Variants in RHOH observed in about 807,000 individuals in gnomAD.
RHOH encodes the protein ras homolog family member H, also known as rho-related GTP-binding protein RhoH.
RHOH carries 6 observed loss-of-function variants against 13.8 expected under a neutral mutation model. That is an observed-to-expected ratio of 0.44 (90% CI 0.24 to 0.86). The LOEUF (loss-of-function observed/expected upper bound fraction) is 0.86. Ranked by LOEUF, RHOH falls within the 40% of genes least tolerant of loss-of-function variation. RHOH has a pLI of 0.24. For synonymous variants in RHOH, 117 were observed against 103.0 expected (o/e 1.14, Z -0.82); for missense variants, 147 against 244.5 (o/e 0.60, Z 2.66).
In RHOH at chr4:40,202,229, G is replaced by A. The variant is rs114486965; in HGVS notation, c.-331+4929G>A. Among the ~76,000 whole-genome samples, 318 of 152,160 alleles carry A rather than the reference G, an allele frequency of 2.1e-3. 3 individuals carry two copies. Among genetic ancestry groups the A allele is most frequent in the African/African-American group, 7.1e-3 (293 of 41,520 alleles). ...CCCAAAGTGCTAGGATTACAGGCACGTCACTGCGCACAGCCCATGGGTTCT... is the reference window on the plus strand; with the variant it reads ...CCCAAAGTGCTAGGATTACAGGCACATCACTGCGCACAGCCCATGGGTTCT... On this transcript the variant is annotated intron_variant, in intron 1 of 2. Coordinates refer to ENST00000381799, the MANE Select transcript of RHOH (RefSeq NM_004310.5).
chr4:40,224,472 A>G, intron 1 of RHOH, among the ~76,000 whole-genome samples: 1 of 152,266 alleles, frequency 6.6e-6, no homozygotes, highest in African/African-American at 2.4e-5. Context: ...ACTGGCAAGG[A>G]CTTAAAGGAT....
upstream of RHOH, among the ~76,000 whole-genome samples, chr4:40,191,681 C>G (rs1487850617): frequency 6.6e-6 from 1 of 152,100 alleles, no homozygotes; most frequent in Non-Finnish European, 1.5e-5. Flanking sequence ...TGCAATAAAA[C>G]GAACCAGGAT....
chr4:40,238,220 T>C (rs1030067459), intron 1 of RHOH, among the ~76,000 whole-genome samples: 1 of 150,776 alleles, frequency 6.6e-6, no homozygotes, highest in Non-Finnish European at 1.5e-5. Flanking sequence ...GGGCATCTGA[T>C]CTGGCAGCGG....
At chr4:40,194,084 C>G (rs982346646), upstream of RHOH, among the ~76,000 whole-genome samples, 2 of 152,148 alleles carry the variant, frequency 1.3e-5, no homozygotes, top group African/African-American at 4.8e-5. Context: ...GACATTGTCC[C>G]CCTTAAAGGA....
At chr4:40,217,848 G>A (rs542496320) in intron 1 of RHOH, among the ~76,000 whole-genome samples, 16 of 152,256 alleles carry the variant, frequency 1.1e-4, no homozygotes, top group South Asian at 6.2e-4. Flanking sequence ...CAAACATGTC[G>A]ATAATAGCTG....
intron 1 of RHOH, among the ~76,000 whole-genome samples, chr4:40,223,728 G>A (rs911901130): frequency 9.0e-5 from 13 of 143,674 alleles, no homozygotes; most frequent in Admixed American, 4.9e-4. Context: ...ATTAAGCCAT[G>A]TATACTTTTA....
intron 1 of RHOH, among the ~76,000 whole-genome samples, chr4:40,229,059 C>T (rs1407326048): frequency 6.6e-6 from 1 of 152,048 alleles, no homozygotes; most frequent in Non-Finnish European, 1.5e-5. Flanking sequence ...CCTTACTTCC[C>T]AGGAATAGAT....
At chr4:40,230,227 C>T (rs1384343642) in intron 1 of RHOH, among the ~76,000 whole-genome samples, 3 of 151,958 alleles carry the variant, frequency 2.0e-5, no homozygotes, top group Admixed American at 6.6e-5. Context: ...TTAGTAGAAA[C>T]GGGGTTTCGC....
intron 1 of RHOH, among the ~76,000 whole-genome samples, chr4:40,199,974 C>A (rs2381495): frequency 0.98 from 149,734 of 152,338 alleles, 73,602 homozygotes; most frequent in East Asian, 1. Flanking sequence ...ACGTGAGTCA[C>A]ACGGTGATAG....
At chr4:40,236,230 T>C (rs1173191038) in intron 1 of RHOH, among the ~76,000 whole-genome samples, 2 of 152,210 alleles carry the variant, frequency 1.3e-5, no homozygotes, top group Non-Finnish European at 2.9e-5. Context: ...TCTGTGATTG[T>C]GACATGATAA....
intron 1 of RHOH, among the ~76,000 whole-genome samples, chr4:40,210,973 G>A (rs922527117): frequency 6.6e-6 from 1 of 152,166 alleles, no homozygotes; most frequent in South Asian, 2.1e-4. Flanking sequence ...TGAAGCTTAC[G>A]TATTATCTAT....
At chr4:40,224,786 C>T (rs1211608696) in intron 1 of RHOH, among the ~76,000 whole-genome samples, 2 of 152,196 alleles carry the variant, frequency 1.3e-5, no homozygotes, top group African/African-American at 2.4e-5. Context: ...ACCTCAATTC[C>T]GTTATTCTCT....
chr4:40,227,757 G>A (rs142345472), intron 1 of RHOH, among the ~76,000 whole-genome samples: 8 of 152,170 alleles, frequency 5.3e-5, no homozygotes, highest in African/African-American at 1.2e-4. Context: ...CGTCTTGCTG[G>A]AAAAGTAGGT....
upstream of RHOH, among the ~76,000 whole-genome samples, chr4:40,196,203 T>G (rs2109335855): frequency 6.6e-6 from 1 of 152,308 alleles, no homozygotes; most frequent in East Asian, 1.9e-4. Flanking sequence ...GGAGTTGACT[T>G]TATCCTTACG....
intron 1 of RHOH, among the ~76,000 whole-genome samples, chr4:40,224,024 G>A (rs530620298): frequency 2.6e-5 from 4 of 151,954 alleles, no homozygotes; most frequent in South Asian, 2.1e-4. Context: ...TGCCTGCCTC[G>A]GCCTCCCAAA....
intron 1 of RHOH, among the ~76,000 whole-genome samples, chr4:40,228,779 C>G (rs1350429428): frequency 6.6e-6 from 1 of 152,134 alleles, no homozygotes; most frequent in Non-Finnish European, 1.5e-5. Flanking sequence ...AACAAGAACC[C>G]CCAGGGCAGA....
At chr4:40,238,740 C>T (rs1218404205) in intron 1 of RHOH, among the ~76,000 whole-genome samples, 1 of 152,216 alleles carries the variant, frequency 6.6e-6, no homozygotes, top group African/African-American at 2.4e-5. Flanking sequence ...TGGAGGGCCA[C>T]TCAGTGTCAT....
At chr4:40,212,682 A>G (rs752717974) in intron 1 of RHOH, 2 of 152,266 alleles carry the variant, frequency 1.3e-5, no homozygotes, top group Non-Finnish European at 2.9e-5. Flanking sequence ...GCATTTCAAC[A>G]AAGTACCAAA....
At chr4:40,225,801 C>A (rs1023802519) in intron 1 of RHOH, among the ~76,000 whole-genome samples, 11 of 152,176 alleles carry the variant, frequency 7.2e-5, no homozygotes, top group African/African-American at 2.7e-4. Flanking sequence ...TAGGCAGGCT[C>A]TCACTAAGAG....
Sources: gnomAD v4.1 joint callset for allele counts (sites outside exome capture counted in the v4.1 genomes callset) on GRCh38, gnomAD v4.1.1 for gene constraint, MANE v1.5 for transcripts, NCBI Gene and HGNC (gene_info 2026-07-23, HGNC 2026-07-21) for gene names.